Variants in SLC25A21 observed in about 807,000 individuals in gnomAD.
SLC25A21 encodes the protein mitochondrial 2-oxodicarboxylate carrier.
SLC25A21 carries 47 observed loss-of-function variants against 43.8 expected under a neutral mutation model. That is an observed-to-expected ratio of 1.07 (90% CI 0.85 to 1.37). SLC25A21 has a LOEUF of 1.37. Ranked by LOEUF, SLC25A21 falls within the 40% of genes most tolerant of loss-of-function variation. The pLI, the probability that SLC25A21 is intolerant of heterozygous loss-of-function variation, is 0.00. For synonymous variants in SLC25A21, 131 were observed against 121.3 expected (o/e 1.08, Z -0.52); for missense variants, 352 against 350.2 (o/e 1.00, Z -0.04).
At chr14:36,791,061 G>C (rs535673898) in intron 3 of SLC25A21, among the ~76,000 whole-genome samples, 17 of 152,158 alleles carry the variant, frequency 1.1e-4, no homozygotes, top group African/African-American at 4.1e-4. Context: ...CAAAACTGTT[G>C]TTTATACCTA....
At chr14:36,712,423 A>G (rs1009825100) in intron 6 of SLC25A21, among the ~76,000 whole-genome samples, 2 of 151,728 alleles carry the variant, frequency 1.3e-5, no homozygotes, top group Non-Finnish European at 2.9e-5. Flanking sequence ...GCAGGTTGTT[A>G]GCGTGGTTGT....
intron 1 of SLC25A21, among the ~76,000 whole-genome samples, chr14:36,880,627 G>A (rs1154120): frequency 0.4 from 53,700 of 135,280 alleles, 9,840 homozygotes; most frequent in South Asian, 0.49. Flanking sequence ...GGTTTCTGCC[G>A]ATGCCATTAT....
intron 2 of SLC25A21, among the ~76,000 whole-genome samples, chr14:36,850,937 C>T (rs1889714197): frequency 6.6e-6 from 1 of 152,184 alleles, no homozygotes; most frequent in Non-Finnish European, 1.5e-5. Context: ...TTTCTTCTAC[C>T]TATTCTTTTC....
At chr14:37,161,695 TCACGCCTGTAATCC>T (rs1963943618) in intron 1 of SLC25A21, among the ~76,000 whole-genome samples, 3 of 151,908 alleles carry the variant, frequency 2.0e-5, no homozygotes, top group South Asian at 4.2e-4. Context: ...GCACGGTGGC[TCACGCCTGTAATCC>T]CAGCGCTTTG....
At chr14:36,704,284 T>C (rs1883403470) in intron 7 of SLC25A21, among the ~76,000 whole-genome samples, 3 of 152,128 alleles carry the variant, frequency 2.0e-5, no homozygotes, top group Admixed American at 2.0e-4. Context: ...GAGAATCCGG[T>C]TACGTTATCT....
At chr14:37,107,051 C>T (rs1267761531) in intron 1 of SLC25A21, among the ~76,000 whole-genome samples, 1 of 151,932 alleles carries the variant, frequency 6.6e-6, no homozygotes, top group Non-Finnish European at 1.5e-5. Context: ...TCAAAGTACA[C>T]CAAAATGTAA....
At chr14:36,773,633 T>C (rs1184506334) in intron 3 of SLC25A21, among the ~76,000 whole-genome samples, 2 of 152,210 alleles carry the variant, frequency 1.3e-5, no homozygotes, top group East Asian at 1.9e-4. Flanking sequence ...GCAAATATAA[T>C]AGTAACATTT....
chr14:37,132,938 T>C (rs1414311298), intron 1 of SLC25A21, among the ~76,000 whole-genome samples: 2 of 151,932 alleles, frequency 1.3e-5, no homozygotes, highest in Admixed American at 6.6e-5. Flanking sequence ...CCATGATGCC[T>C]AGGCTGGTCC....
chr14:36,680,445 T>C lies in SLC25A21; in HGVS notation c.*213A>G, dbSNP rs1594480483. The C allele has an allele frequency of 8.5e-7, 1 of 1,180,542 alleles. No individual in the cohort carries two copies. Among genetic ancestry groups the C allele is most frequent in the Middle Eastern group, 3.3e-4 (1 of 2,988 alleles). The allele number at this position is 1,180,542 out of a possible 1,614,324, so 73.1% of individuals were successfully genotyped here. A position where few individuals can be genotyped will look rare whatever the true frequency, so the allele number is the denominator to read the frequency against. ...TCACTTTAAATACCTCATTGTTTCATATTATTTTTTTCTTCTCACAGTTTT... is the reference window on the plus strand; with the variant it reads ...TCACTTTAAATACCTCATTGTTTCACATTATTTTTTTCTTCTCACAGTTTT... On this transcript the variant is annotated 3_prime_UTR_variant, in exon 10 of 10. Transcript: ENST00000331299.
chr14:36,808,788 T>C (rs1888132350), intron 3 of SLC25A21: 3 of 152,106 alleles, frequency 2.0e-5, no homozygotes, highest in Non-Finnish European at 4.4e-5. Flanking sequence ...CTGAAGAAAA[T>C]AAATATTAGT....
At chr14:36,923,607 G>T (rs892509385) in intron 1 of SLC25A21, among the ~76,000 whole-genome samples, 1 of 152,132 alleles carries the variant, frequency 6.6e-6, no homozygotes, top group Non-Finnish European at 1.5e-5. Flanking sequence ...ATGTTGTGGG[G>T]TTTATAATAT....
At chr14:37,019,378 C>G (rs778052881) in intron 1 of SLC25A21, among the ~76,000 whole-genome samples, 66 of 151,770 alleles carry the variant, frequency 4.3e-4, no homozygotes, top group Non-Finnish European at 8.2e-4. Flanking sequence ...TTCAGAGAGG[C>G]CTTCATTGAC....
In SLC25A21 at chr14:36,878,564, G is replaced by A. The variant is rs759625358; in HGVS notation, c.71-3560C>T. On this transcript the variant is annotated intron_variant, in intron 1 of 9. Transcript: ENST00000331299. ...CCATATAAATAGAATCAGATTAATC[G>A]TGTTACATAGGCCTAGAAGTGACCT... Among the ~76,000 whole-genome samples the A allele has an allele frequency of 2.6e-4, 40 of 152,076 alleles. 1 individual carries two copies. The highest frequency in any genetic ancestry group is 1.3e-4 in the Non-Finnish European group (9 of 68,002).
At chr14:36,963,338 C>A (rs1959540295) in intron 1 of SLC25A21, among the ~76,000 whole-genome samples, 1 of 152,094 alleles carries the variant, frequency 6.6e-6, no homozygotes, top group South Asian at 2.1e-4. Flanking sequence ...TATAAAATGG[C>A]CCTCCCCAGA....
chr14:36,741,316 AG>A (rs1188633086), intron 3 of SLC25A21, among the ~76,000 whole-genome samples: 1 of 152,212 alleles, frequency 6.6e-6, no homozygotes, highest in African/African-American at 2.4e-5. Context: ...CCAGTGAGAA[AG>A]AAAAACAGTG....
At chr14:36,732,013 T>TCATCTGA (rs373010016) in intron 4 of SLC25A21, among the ~76,000 whole-genome samples, 2,074 of 152,246 alleles carry the variant, frequency 0.014, 24 homozygotes, top group Non-Finnish European at 0.022. Context: ...CCAGCCTTCA[T>TCATCTGA]CATCTGATGT....
At chr14:36,707,765 T>A (rs1883642713) in intron 7 of SLC25A21, among the ~76,000 whole-genome samples, 1 of 152,252 alleles carries the variant, frequency 6.6e-6, no homozygotes, top group South Asian at 2.1e-4. Context: ...TGCATTAGCA[T>A]TCTTCAGTGG....
intron 2 of SLC25A21, among the ~76,000 whole-genome samples, chr14:36,853,815 C>A (rs941463095): frequency 6.6e-6 from 1 of 152,186 alleles, no homozygotes; most frequent in Non-Finnish European, 1.5e-5. Context: ...TCCTCTGAGA[C>A]CCTCCAACAA....
chr14:37,040,749 A>G (rs8022248), intron 1 of SLC25A21, among the ~76,000 whole-genome samples: 70,951 of 151,742 alleles, frequency 0.47, 18,928 homozygotes, highest in African/African-American at 0.74. Context: ...GGAGACTTGG[A>G]GACGTGGACA....
Sources: allele counts gnomAD v4.1 joint callset (sites outside exome capture counted in the v4.1 genomes callset), GRCh38; gene constraint gnomAD v4.1.1; transcripts MANE v1.5; gene names NCBI Gene and HGNC (gene_info 2026-07-23, HGNC 2026-07-21).